LGSN: variants seen among roughly 807,000 people sequenced by gnomAD.
LGSN encodes lengsin.
In LGSN, 21 loss-of-function variants were observed where a neutral mutation model predicts 19.5. The observed-to-expected ratio is 1.07, with a 90% confidence interval of 0.76 to 1.55. LGSN has a LOEUF of 1.55. LGSN is among the 40% of genes most tolerant of loss of function. The pLI is 0.00. For missense variants in LGSN, 673 were observed against 608.5 expected (o/e 1.11, Z -1.12); for synonymous variants, 257 against 215.6 (o/e 1.19, Z -1.68).
At chr6:63,314,082 C>T (rs530400556) in intron 1 of LGSN, among the ~76,000 whole-genome samples, 4 of 152,024 alleles carry the variant, frequency 2.6e-5, no homozygotes, top group East Asian at 1.9e-4. Context: ...AGGGGTAGAT[C>T]GTTAGAAGAA....
At chr6:63,377,641 G>A in the LGSN span, among the ~76,000 whole-genome samples, 8 of 152,220 alleles carry the variant, frequency 5.3e-5, no homozygotes, top group Non-Finnish European at 1.0e-4. Context: ...GGCCAGGCAC[G>A]GTGGCTCACA....
the LGSN span, among the ~76,000 whole-genome samples, chr6:63,423,838 G>A: frequency 2.6e-5 from 4 of 152,112 alleles, 1 homozygote; most frequent in African/African-American, 7.2e-5. Context: ...AGGAGTTCGA[G>A]ACCATCCTGG....
the LGSN span, among the ~76,000 whole-genome samples, chr6:63,539,588 C>T: frequency 6.6e-6 from 1 of 152,050 alleles, no homozygotes; most frequent in Non-Finnish European, 1.5e-5. Context: ...CCATCCTGGC[C>T]AACATGGTGA....
At chr6:63,446,032 C>T in the LGSN span, among the ~76,000 whole-genome samples, 3 of 151,842 alleles carry the variant, frequency 2.0e-5, no homozygotes, top group South Asian at 2.1e-4. Flanking sequence ...GCAGGTCACT[C>T]GAGGTCAGGA....
intron 1 of LGSN, among the ~76,000 whole-genome samples, chr6:63,318,037 G>A (rs1768932850): frequency 1.3e-5 from 2 of 151,974 alleles, no homozygotes; most frequent in African/African-American, 4.8e-5. Context: ...ACTTTAAGAA[G>A]TAAGAATGTG....
At chr6:63,370,356 G>A in the LGSN span, among the ~76,000 whole-genome samples, 3 of 152,066 alleles carry the variant, frequency 2.0e-5, no homozygotes, top group Non-Finnish European at 2.9e-5. Context: ...TAACTTCTTC[G>A]TCTATAAAAT....
chr6:63,382,922 C>G, the LGSN span, among the ~76,000 whole-genome samples: 1 of 152,120 alleles, frequency 6.6e-6, no homozygotes, highest in Non-Finnish European at 1.5e-5. Context: ...CTGTTACCAT[C>G]ATTATTAGCC....
the LGSN span, among the ~76,000 whole-genome samples, chr6:63,568,979 T>C: frequency 6.6e-6 from 1 of 152,208 alleles, no homozygotes; most frequent in Non-Finnish European, 1.5e-5. Context: ...TAGTGTCTTT[T>C]TCTAGGTTGA....
the LGSN span, among the ~76,000 whole-genome samples, chr6:63,364,577 C>G: frequency 2.5e-3 from 383 of 152,282 alleles, 2 homozygotes; most frequent in African/African-American, 9.0e-3. Flanking sequence ...AGCTCTGCAC[C>G]AAGCAAACCT....
the LGSN span, among the ~76,000 whole-genome samples, chr6:63,444,957 A>T: frequency 6.6e-6 from 1 of 152,162 alleles, no homozygotes; most frequent in African/African-American, 2.4e-5. Flanking sequence ...GAGCTGATGC[A>T]AGGTCTGGGC....
chr6:63,453,798 C>T, the LGSN span, among the ~76,000 whole-genome samples: 16 of 152,034 alleles, frequency 1.1e-4, no homozygotes, highest in Admixed American at 9.8e-4. Context: ...GAACTACAGG[C>T]GCCCGCCACC....
At chr6:63,548,869 C>T in the LGSN span, 13 of 770,000 alleles carry the variant, frequency 1.7e-5, no homozygotes, top group South Asian at 8.1e-5. Context: ...TTAGCCAAAG[C>T]GCCTTTGTCT....
the LGSN span, among the ~76,000 whole-genome samples, chr6:63,449,550 A>T: frequency 6.6e-6 from 1 of 152,068 alleles, no homozygotes; most frequent in Non-Finnish European, 1.5e-5. Flanking sequence ...TCAAAAAAAA[A>T]AAAAAGAAAA....
At chr6:63,425,887 GTTATA>G in the LGSN span, among the ~76,000 whole-genome samples, 2 of 151,886 alleles carry the variant, frequency 1.3e-5, no homozygotes, top group Admixed American at 6.6e-5. Context: ...TATATAAATA[GTTATA>G]TTATATATGT....
At chr6:63,544,719 T>G in the LGSN span, among the ~76,000 whole-genome samples, 4 of 152,168 alleles carry the variant, frequency 2.6e-5, no homozygotes, top group African/African-American at 9.7e-5. Context: ...TTCTGATGTT[T>G]CCTCATGATT....
the LGSN span, among the ~76,000 whole-genome samples, chr6:63,374,701 C>T: frequency 1.1e-4 from 16 of 152,286 alleles, 1 homozygote; most frequent in South Asian, 3.3e-3. Context: ...CAAAATGGAT[C>T]CACAGGGAGG....
the LGSN span, among the ~76,000 whole-genome samples, chr6:63,399,097 G>A: frequency 5.1e-4 from 78 of 152,018 alleles, 1 homozygote; most frequent in African/African-American, 1.8e-3. Flanking sequence ...ATGAGTTATC[G>A]CACGTGGCCT....
At chr6:63,292,748 G>T (rs191896360) in intron 2 of LGSN, among the ~76,000 whole-genome samples, 1 of 152,320 alleles carries the variant, frequency 6.6e-6, no homozygotes, top group East Asian at 1.9e-4. Flanking sequence ...AACTTGCCTG[G>T]ACTGCCCATG....
the LGSN span, among the ~76,000 whole-genome samples, chr6:63,507,913 C>T: frequency 1.3e-5 from 2 of 152,042 alleles, no homozygotes; most frequent in Non-Finnish European, 1.5e-5. Flanking sequence ...ACATAAGAAA[C>T]TGTTGAGTTT....
Sources: allele counts gnomAD v4.1 joint callset (sites outside exome capture counted in the v4.1 genomes callset), GRCh38; gene constraint gnomAD v4.1.1; transcripts MANE v1.5; gene names NCBI Gene and HGNC (gene_info 2026-07-23, HGNC 2026-07-21).